ZNF577: variants seen among roughly 807,000 people sequenced by gnomAD.
ZNF577 encodes the protein zinc finger protein 577.
ZNF577 carries 14 observed loss-of-function variants against 13.9 expected under a neutral mutation model. The ratio of observed to expected loss-of-function variants is 1.00; its 90% CI spans 0.66 to 1.57. The LOEUF (loss-of-function observed/expected upper bound fraction) is 1.57. ZNF577 is among the 40% of genes most tolerant of loss of function. The pLI is 0.00. For missense variants in ZNF577, 555 were observed against 579.2 expected (o/e 0.96, Z 0.43); for synonymous variants, 203 against 202.9 (o/e 1.00, Z 0.00).
rs148748628 is a variant in ZNF577 at position 51,870,134 on chromosome 19, A to C, written c.*2398T>G. Reference sequence around the variant, plus strand: ...GGTGGGGGGAACCCATCAGTAAATTATAGTTTTTATAATCCACTTGATTCA... The same window carrying C: ...GGTGGGGGGAACCCATCAGTAAATTCTAGTTTTTATAATCCACTTGATTCA... On this transcript the variant is annotated 3_prime_UTR_variant, in exon 6 of 6. Transcript: ENST00000638348. Among the ~76,000 whole-genome samples, 7 of 152,190 alleles carry C rather than the reference A, an allele frequency of 4.6e-5. No individual in the cohort carries two copies. The highest frequency in any genetic ancestry group is 1.0e-4 in the Non-Finnish European group (7 of 68,026).
intron 5 of ZNF577, among the ~76,000 whole-genome samples, chr19:51,852,204 A>C (rs564124416): frequency 6.6e-6 from 1 of 152,216 alleles, no homozygotes; most frequent in African/African-American, 2.4e-5. Context: ...AGCTCATTTC[A>C]ATCAAGTCTG....
chr19:51,855,367 C>CTGTGTGTGTATGTGTGTGTG (rs2084407223), intron 5 of ZNF577, among the ~76,000 whole-genome samples: 1 of 143,460 alleles, frequency 7.0e-6, no homozygotes, highest in African/African-American at 2.6e-5. Flanking sequence ...GCTGAGGGTG[C>CTGTGTGTGTATGTGTGTGTG]TGTGTGTGTG....
At chr19:51,839,276 C>A (rs1682857279) in intron 9 of ZNF577, among the ~76,000 whole-genome samples, 1 of 152,070 alleles carries the variant, frequency 6.6e-6, no homozygotes. Context: ...TGCCTTTAGT[C>A]CTAGTTACTC....
chr19:51,863,528 G>C (rs997834956), downstream of ZNF577, among the ~76,000 whole-genome samples: 6 of 152,124 alleles, frequency 3.9e-5, no homozygotes, highest in African/African-American at 1.4e-4. Flanking sequence ...TTGGGTTTTA[G>C]GGTAGAGTTC....
At position 51,824,729 on chromosome 19, in the gene ZNF577, G is replaced by A. The variant is rs748752225; in HGVS notation, c.*600-13055C>T. On this transcript the variant is annotated intron_variant and NMD_transcript_variant, in intron 9 of 10. Transcript: ENST00000638827. The surrounding 1 kb of genome is among the most constrained non-coding windows in gnomAD (Gnocchi z 4.7). ...CTAGTTTGGAGAGGGCCCTGACTGAGGTCCCTGACTCAGCCCAGACCAGCA... is the reference window on the plus strand; with the variant it reads ...CTAGTTTGGAGAGGGCCCTGACTGAAGTCCCTGACTCAGCCCAGACCAGCA... 1.2e-6 allele frequency: 2 copies of A among 1,614,024 alleles called. No homozygotes were observed. Among genetic ancestry groups the A allele is most frequent in the Non-Finnish European group, 1.7e-6 (2 of 1,179,994 alleles).
intron 5 of ZNF577, among the ~76,000 whole-genome samples, chr19:51,874,095 G>T (rs561279334): frequency 1.8e-4 from 27 of 152,306 alleles, no homozygotes; most frequent in African/African-American, 6.5e-4. Flanking sequence ...ACTCTATAAT[G>T]AATCAATACA....
At chr19:51,859,837 A>G (rs1014272396) in intron 5 of ZNF577, among the ~76,000 whole-genome samples, 5 of 152,148 alleles carry the variant, frequency 3.3e-5, no homozygotes, top group African/African-American at 1.2e-4. Context: ...TTTAACCCTG[A>G]AAATTGTTTC....
At chr19:51,821,790 C>A (rs1387603382) in intron 9 of ZNF577, among the ~76,000 whole-genome samples, 2 of 151,012 alleles carry the variant, frequency 1.3e-5, no homozygotes, top group South Asian at 2.1e-4. Context: ...AAAAAAAAAA[C>A]CTACAAAAAC....
chr19:51,869,517 C>T lies in ZNF577; in HGVS notation c.*3015G>A, dbSNP rs979066853. On this transcript the variant is annotated 3_prime_UTR_variant, in exon 6 of 6. Coordinates refer to ENST00000638348, the MANE Select transcript of ZNF577 (RefSeq NM_001370449.1). ...CCGAGATGGTAGAGATAGTGATCAACAAATGCTGAGGGAACTCAGAGACCA... is the reference window on the plus strand; with the variant it reads ...CCGAGATGGTAGAGATAGTGATCAATAAATGCTGAGGGAACTCAGAGACCA... Among the ~76,000 whole-genome samples the T allele has an allele frequency of 2.0e-5, 3 of 152,170 alleles. No individual in the cohort carries two copies. Among genetic ancestry groups the T allele is most frequent in the Admixed American group, 1.3e-4 (2 of 15,270 alleles).
At chr19:51,854,774 T>C (rs2084401415) in intron 5 of ZNF577, among the ~76,000 whole-genome samples, 1 of 152,192 alleles carries the variant, frequency 6.6e-6, no homozygotes, top group African/African-American at 2.4e-5. Context: ...ACATATGTGT[T>C]GGTGTGCTGG....
chr19:51,878,223 T>C (rs2084797466), intron 4 of ZNF577, 166 bp downstream of exon 4: 2 of 647,572 alleles, frequency 3.1e-6, no homozygotes, highest in Admixed American at 3.2e-5. Context: ...CCCACTGAAC[T>C]GCACGCTTAT....
chr19:51,823,155 G>A (rs901653894), intron 9 of ZNF577, among the ~76,000 whole-genome samples: 50 of 152,152 alleles, frequency 3.3e-4, no homozygotes, highest in African/African-American at 1.1e-3. Flanking sequence ...GAGTCACCAC[G>A]CCCGGCCTAT....
Position 51,823,159 on chromosome 19 carries a change from G to A in ZNF577, c.*600-11485C>T, listed in dbSNP as rs116230384. On this transcript the variant is annotated intron_variant and NMD_transcript_variant, in intron 9 of 10. Coordinates refer to the ZNF577 transcript ENST00000638827. ...GTTACAGGCATGAGTCACCACGCCC[G>A]GCCTATAGCATGTAATATATGTCTA... 3.6e-3 allele frequency among the ~76,000 whole-genome samples: 550 copies of A among 152,152 alleles called. 2 individuals are homozygous for A. The highest frequency in any genetic ancestry group is 0.013 in the African/African-American group (519 of 41,488).
At chr19:51,807,406 TA>T (rs1384268946) in intron 10 of ZNF577, among the ~76,000 whole-genome samples, 1 of 152,224 alleles carries the variant, frequency 6.6e-6, no homozygotes, top group African/African-American at 2.4e-5. Context: ...GCATTCATGA[TA>T]AACAGTTTGC....
intron 9 of ZNF577, among the ~76,000 whole-genome samples, chr19:51,834,439 A>G (rs974032447): frequency 1.3e-5 from 2 of 152,226 alleles, no homozygotes; most frequent in East Asian, 3.8e-4. Context: ...GGGTTATAAA[A>G]TAAGTTTTAA....
At chr19:51,842,500 C>T (rs1445734445) in intron 8 of ZNF577, among the ~76,000 whole-genome samples, 1 of 152,096 alleles carries the variant, frequency 6.6e-6, no homozygotes, top group Non-Finnish European at 1.5e-5. Flanking sequence ...GAGGATGCTG[C>T]AAAAAGGCCC....
chr19:51,864,836 C>A (rs2084541877), downstream of ZNF577, among the ~76,000 whole-genome samples: 1 of 152,164 alleles, frequency 6.6e-6, no homozygotes, highest in African/African-American at 2.4e-5. Flanking sequence ...AAAGAAATTA[C>A]CAATGATGAA....
intron 5 of ZNF577, among the ~76,000 whole-genome samples, chr19:51,847,129 G>C (rs145797454): frequency 6.6e-6 from 1 of 152,110 alleles, no homozygotes; most frequent in African/African-American, 2.4e-5. Context: ...ACAAACACTC[G>C]TGTACGCACA....
chr19:51,834,059 ATT>A (rs61013654), intron 9 of ZNF577, among the ~76,000 whole-genome samples: 7 of 150,324 alleles, frequency 4.7e-5, no homozygotes, highest in Non-Finnish European at 1.0e-4. Flanking sequence ...CACACAATAG[ATT>A]TTTTTTTTTC....
Sources: allele counts gnomAD v4.1 joint callset (sites outside exome capture counted in the v4.1 genomes callset), GRCh38; gene constraint gnomAD v4.1.1; non-coding constraint Gnocchi (gnomAD v3.1); transcripts MANE v1.5; gene names NCBI Gene and HGNC (gene_info 2026-07-23, HGNC 2026-07-21).